The following FARP2 variants were observed in gnomAD, a reference collection of about 807,000 sequenced individuals.
FARP2 encodes the protein FERM, ARHGEF and pleckstrin domain-containing protein 2.
In FARP2, 111 loss-of-function variants were observed where a neutral mutation model predicts 130.5. That is an observed-to-expected ratio of 0.85 (90% CI 0.73 to 1.00). The LOEUF (loss-of-function observed/expected upper bound fraction) is 1.00. FARP2 is among the 50% of genes least tolerant of loss of function. The pLI, the probability that FARP2 is intolerant of heterozygous loss-of-function variation, is 0.00. For missense variants in FARP2, 1,385 were observed against 1,346.3 expected, an observed-to-expected ratio of 1.03 and a Z score of -0.45; for synonymous variants, 504 against 516.9, an observed-to-expected ratio of 0.98 and a Z score of 0.34.
intron 12 of FARP2, among the ~76,000 whole-genome samples, chr2:241,440,488 G>A (rs1470859193): frequency 1.3e-5 from 2 of 152,038 alleles, no homozygotes; most frequent in Non-Finnish European, 2.9e-5. Flanking sequence ...TCCTCATCCT[G>A]CTTGGGAGCT....
intron 8 of FARP2, among the ~76,000 whole-genome samples, chr2:241,422,466 G>T (rs1260602315): frequency 6.6e-6 from 1 of 151,186 alleles, no homozygotes; most frequent in Non-Finnish European, 1.5e-5. Flanking sequence ...CCATTCAAAG[G>T]TCAGCAACCT....
chr2:241,427,078 T>C lies in FARP2; in HGVS notation c.772-4601T>C, dbSNP rs184870614. On this transcript the variant is annotated intron_variant, in intron 8 of 26. Transcript: ENST00000264042. ...GGTGAAACCCCATCTCTACTAAAAA[T>C]ACAAAAATTAGCCAGGTGTGGTGGC... Among the ~76,000 whole-genome samples the C allele has an allele frequency of 1.2e-3, 179 of 152,102 alleles. 1 individual carries two copies. Among genetic ancestry groups the C allele is most frequent in the African/African-American group, 3.9e-3 (163 of 41,492 alleles).
chr2:241,415,491 A>G (rs938306201), intron 7 of FARP2, among the ~76,000 whole-genome samples: 1 of 152,130 alleles, frequency 6.6e-6, no homozygotes, highest in Non-Finnish European at 1.5e-5. Context: ...GAACTGTCCA[A>G]CCTGAAGGAC....
At chr2:241,429,425 T>C (rs2063037521) in intron 8 of FARP2, among the ~76,000 whole-genome samples, 1 of 152,210 alleles carries the variant, frequency 6.6e-6, no homozygotes, top group Non-Finnish European at 1.5e-5. Flanking sequence ...GATATGGGAT[T>C]GTGCAGTGCT....
At chr2:241,480,502 A>G (rs983096563) in intron 19 of FARP2, among the ~76,000 whole-genome samples, 22 of 149,676 alleles carry the variant, frequency 1.5e-4, no homozygotes, top group African/African-American at 5.4e-4. Context: ...TTGATTTTTG[A>G]CCTTGATACA....
At chr2:241,440,907 T>A (rs1368425490) in intron 12 of FARP2, among the ~76,000 whole-genome samples, 2 of 152,074 alleles carry the variant, frequency 1.3e-5, no homozygotes, top group Non-Finnish European at 2.9e-5. Flanking sequence ...TCCCAGCATG[T>A]TGGAAGGCGA....
chr2:241,416,356 C>T (rs2150370080), intron 7 of FARP2, among the ~76,000 whole-genome samples: 1 of 152,244 alleles, frequency 6.6e-6, no homozygotes, highest in South Asian at 2.1e-4. Flanking sequence ...AAGCAGGAAG[C>T]TCTGCTCTAC....
intron 13 of FARP2, chr2:241,447,079 C>G (rs1328808045): frequency 6.6e-6 from 1 of 152,092 alleles, no homozygotes; most frequent in Non-Finnish European, 1.5e-5. Context: ...TATAAATTTG[C>G]AGATATGTAC....
chr2:241,395,946 G>T (rs1336598172), intron 2 of FARP2: 1 of 152,030 alleles, frequency 6.6e-6, no homozygotes, highest in Non-Finnish European at 1.5e-5. Flanking sequence ...TATGGTTTCT[G>T]CCCTCCTGAA....
chr2:241,386,393 C>G (rs1466871200), intron 2 of FARP2, among the ~76,000 whole-genome samples: 1 of 152,170 alleles, frequency 6.6e-6, no homozygotes, highest in Non-Finnish European at 1.5e-5. Context: ...GTCATTGCTC[C>G]CCGCTCAGCA....
At position 241,461,065 on chromosome 2, in the gene FARP2, A is replaced by G. The variant is rs367627324; in HGVS notation, c.1588-1458A>G. 2.0e-5 allele frequency among the ~76,000 whole-genome samples: 3 copies of G among 152,318 alleles called. No homozygotes were observed. The East Asian group carries it at 5.8e-4, about 29-fold the overall frequency. On this transcript the variant is annotated intron_variant, in intron 14 of 26. Transcript: ENST00000264042. Reference sequence around the variant, plus strand: ...CTCTGCTAAACTTCACAGCAGTACAAGGAAGAAGACATGGCTCCACATGCC... The same window carrying G: ...CTCTGCTAAACTTCACAGCAGTACAGGGAAGAAGACATGGCTCCACATGCC...
intron 12 of FARP2, among the ~76,000 whole-genome samples, chr2:241,439,566 T>A (rs2063330141): frequency 6.6e-6 from 1 of 152,096 alleles, no homozygotes; most frequent in South Asian, 2.1e-4. Flanking sequence ...CCTGAACTCA[T>A]GATCCGCCCG....
chr2:241,384,791 C>A (rs2061745804), intron 2 of FARP2, among the ~76,000 whole-genome samples: 2 of 152,168 alleles, frequency 1.3e-5, no homozygotes, highest in Admixed American at 1.3e-4. Flanking sequence ...GGCTTAAAGG[C>A]TCTAGACATT....
intron 2 of FARP2, among the ~76,000 whole-genome samples, chr2:241,381,753 G>A (rs2061668241): frequency 6.6e-6 from 1 of 152,154 alleles, no homozygotes; most frequent in South Asian, 2.1e-4. Flanking sequence ...ACCTTACCAA[G>A]TGTTACATGT....
At chr2:241,390,668 AT>A (rs2150327184) in intron 2 of FARP2, among the ~76,000 whole-genome samples, 1 of 151,698 alleles carries the variant, frequency 6.6e-6, no homozygotes, top group Admixed American at 6.6e-5. Context: ...TGGGGATCTT[AT>A]TTTTTTCTTT....
chr2:241,466,693 C>G (rs115979345), intron 17 of FARP2: 133,950 of 673,604 alleles, frequency 0.2, 16,397 homozygotes, highest in Middle Eastern at 0.22. Flanking sequence ...CCAACCACCC[C>G]CCCCCCCACC....
chr2:241,431,734 A>G lies in FARP2; in HGVS notation c.827A>G (p.Lys276Arg), dbSNP rs779682293. 20 of 1,597,172 alleles carry G rather than the reference A, an allele frequency of 1.3e-5. No individual in the cohort carries two copies. The Admixed American group carries it at 1.7e-4, about 14-fold the overall frequency. Residue 276 changes from lysine (K) to arginine (R), a missense_variant, in exon 9 of 27, where the codon AAG becomes AGG. By Grantham distance (26) the Lys-to-Arg change is conservative. Transcript: ENST00000264042. Reference sequence around the variant, plus strand: ...TCCAAGGTCCGTAAACTAAGCTTCAAGAGGAAAAGATTTCTTATCAAACTT... The same window carrying G: ...TCCAAGGTCCGTAAACTAAGCTTCAGGAGGAAAAGATTTCTTATCAAACTT... ...NWSKVRKLSF[K>R]RKRFLIKLHP...
intron 1 of FARP2, among the ~76,000 whole-genome samples, chr2:241,359,667 G>A (rs1001748233): frequency 6.6e-6 from 1 of 152,170 alleles, no homozygotes; most frequent in Non-Finnish European, 1.5e-5. Context: ...TGCTCTCTCT[G>A]TGACTGCAGT....
chr2:241,465,359 A>C, intron 17 of FARP2: 3 of 865,112 alleles, frequency 3.5e-6, no homozygotes, highest in Non-Finnish European at 5.7e-6. Context: ...TCCCCAGGGC[A>C]GGACCTGTTC....
Sources: allele counts gnomAD v4.1 joint callset (sites outside exome capture counted in the v4.1 genomes callset), GRCh38; gene constraint gnomAD v4.1.1; transcripts MANE v1.5; gene names NCBI Gene and HGNC (gene_info 2026-07-23, HGNC 2026-07-21).